Variants in NLGN4X observed in about 807,000 individuals in gnomAD.
NLGN4X encodes neuroligin-4, X-linked.
NLGN4X carries 3 observed loss-of-function variants against 40.3 expected under a neutral mutation model. That is an observed-to-expected ratio of 0.07 (90% CI 0.03 to 0.19). NLGN4X has a LOEUF of 0.19. NLGN4X is among the 10% of genes least tolerant of loss of function. The pLI is 1.00. For missense variants in NLGN4X, 382 were observed against 708.3 expected, an observed-to-expected ratio of 0.54 and a Z score of 5.23; for synonymous variants, 270 against 306.8, an observed-to-expected ratio of 0.88 and a Z score of 1.25.
At position 5,963,108 on chromosome X, in the gene NLGN4X, GCC is replaced by G. The variant is rs770200163; in HGVS notation, c.626-53871_626-53870del. On this transcript the variant is annotated intron_variant, in intron 3 of 5. Coordinates refer to ENST00000381095, the MANE Select transcript of NLGN4X (RefSeq NM_181332.3). Reference sequence around the variant, plus strand: ...AGTTTTGAAGTGTATGCTAGACACAGCCTACGTTGCCATGAATAGACCTTTGA... The same window carrying G: ...AGTTTTGAAGTGTATGCTAGACACAGTACGTTGCCATGAATAGACCTTTGA... 8.6e-3 allele frequency among the ~76,000 whole-genome samples: 946 copies of G among 110,353 alleles called. 9 individuals carry two copies. The highest frequency in any genetic ancestry group is 0.03 in the African/African-American group (913 of 30,282).
intron 1 of NLGN4X, among the ~76,000 whole-genome samples, chrX:6,221,115 G>C (rs1009583396): frequency 1.9e-5 from 2 of 106,293 alleles, no homozygotes; most frequent in Non-Finnish European, 3.9e-5. Context: ...TTTAGAGATA[G>C]GGTCTTGCTC....
intron 2 of NLGN4X, among the ~76,000 whole-genome samples, chrX:6,149,157 C>T (rs925069186): frequency 1.8e-5 from 2 of 111,986 alleles, no homozygotes; most frequent in African/African-American, 3.2e-5. Context: ...AATTCAATAC[C>T]GAATTGCAAT....
intron 1 of NLGN4X, among the ~76,000 whole-genome samples, chrX:6,218,429 C>A (rs1403849517): frequency 5.5e-5 from 6 of 109,355 alleles, no homozygotes; most frequent in Non-Finnish European, 1.1e-4. Flanking sequence ...CTGAATCAAG[C>A]TGTTGTTTTC....
At chrX:5,998,940 T>C (rs2035903154) in intron 3 of NLGN4X, among the ~76,000 whole-genome samples, 1 of 112,431 alleles carries the variant, frequency 8.9e-6, no homozygotes, top group Non-Finnish European at 1.9e-5. Flanking sequence ...AATGCATGGA[T>C]TGGTGTTAAG....
At chrX:6,210,045 G>A (rs947096621) in intron 1 of NLGN4X, among the ~76,000 whole-genome samples, 2 of 110,616 alleles carry the variant, frequency 1.8e-5, no homozygotes, top group African/African-American at 3.3e-5. Context: ...GTAGAAACGC[G>A]GTCTCATTAT....
chrX:5,933,535 T>C (rs2146875271), intron 3 of NLGN4X, among the ~76,000 whole-genome samples: 1 of 111,985 alleles, frequency 8.9e-6, no homozygotes, highest in Non-Finnish European at 1.9e-5. Context: ...TTGTTAAATT[T>C]ATAAAAACAA....
chrX:6,210,339 T>G (rs756984567), intron 1 of NLGN4X, among the ~76,000 whole-genome samples: 9 of 109,701 alleles, frequency 8.2e-5, no homozygotes, highest in Non-Finnish European at 3.8e-5. Flanking sequence ...TCTCATCAGA[T>G]CTGTATCTCT....
At chrX:6,023,819 C>T (rs1387565757) in intron 3 of NLGN4X, among the ~76,000 whole-genome samples, 3 of 111,861 alleles carry the variant, frequency 2.7e-5, no homozygotes, top group Admixed American at 1.9e-4. Flanking sequence ...GTGAGCTAAA[C>T]GGAAATACAT....
chrX:6,010,513 T>TTATTATTATTATTATTATTA (rs2036219317), intron 3 of NLGN4X, among the ~76,000 whole-genome samples: 61 of 95,389 alleles, frequency 6.4e-4, no homozygotes, highest in Non-Finnish European at 1.2e-3. Context: ...TTCTTTTTAT[T>TTATTATTATTATTATTATTA]TTATTATTAT....
intron 3 of NLGN4X, among the ~76,000 whole-genome samples, chrX:5,981,344 A>C (rs1215282263): frequency 4.5e-5 from 5 of 110,070 alleles, no homozygotes; most frequent in Non-Finnish European, 5.7e-5. Flanking sequence ...TTTGCTCTTC[A>C]GTTTTTCAAT....
At chrX:6,082,865 T>C (rs1044435153) in intron 2 of NLGN4X, among the ~76,000 whole-genome samples, 3 of 108,046 alleles carry the variant, frequency 2.8e-5, no homozygotes, top group Admixed American at 9.9e-5. Flanking sequence ...AAGGGACACA[T>C]GGGCAGATTA....
intron 3 of NLGN4X, among the ~76,000 whole-genome samples, chrX:6,009,748 C>T (rs919133648): frequency 6.2e-5 from 7 of 112,069 alleles, no homozygotes; most frequent in Non-Finnish European, 1.3e-4. Context: ...TGACCACAAG[C>T]TTTCATTTCT....
chrX:6,087,442 G>T (rs1336592148), intron 2 of NLGN4X, among the ~76,000 whole-genome samples: 2 of 111,828 alleles, frequency 1.8e-5, no homozygotes, highest in Non-Finnish European at 3.8e-5. Context: ...ATATTACTCT[G>T]TGTCCTCACA....
intron 2 of NLGN4X, among the ~76,000 whole-genome samples, chrX:6,150,438 C>T (rs936237991): frequency 2.7e-5 from 3 of 111,870 alleles, no homozygotes; most frequent in African/African-American, 9.7e-5. Flanking sequence ...AAAAGAACAT[C>T]CAAATTTACG....
chrX:6,045,419 G>A (rs1397059960), intron 2 of NLGN4X, among the ~76,000 whole-genome samples: 1 of 111,776 alleles, frequency 8.9e-6, no homozygotes. Context: ...ATCTTAACAC[G>A]TTCTGATTAT....
intron 1 of NLGN4X, among the ~76,000 whole-genome samples, chrX:6,169,639 C>T (rs780193525): frequency 1.8e-5 from 2 of 112,640 alleles, no homozygotes; most frequent in African/African-American, 3.2e-5. Context: ...CCACTTAGGA[C>T]GACTGCCTGG....
In NLGN4X at chrX:5,903,429, G is replaced by A; in HGVS notation, c.1249C>T (p.Arg417Trp). Reference protein sequence around the residue: ...YGYPEGKDTLRETIKFMYTDW... With the variant: ...YGYPEGKDTLWETIKFMYTDW... ...GTGTACATGAACTTGATAGTCTCCC[G>A]CAAAGTGTCTTTCCCTTCAGGGTAG... The change falls in exon 5 of 6, where the codon CGG (arginine) becomes TGG (tryptophan). Residue 417 changes from arginine to tryptophan, a missense_variant. This residue lies in a region of NLGN4X where 149 missense variants were observed against 375.8 expected (regional missense o/e 0.40). Coordinates refer to ENST00000381095, the MANE Select transcript of NLGN4X (RefSeq NM_181332.3). 1 of 1,207,046 alleles carries A rather than the reference G, an allele frequency of 8.3e-7. No homozygotes were observed. The highest frequency in any genetic ancestry group is 1.1e-6 in the Non-Finnish European group (1 of 892,619).
At chrX:6,002,187 G>A (rs2035988766) in intron 3 of NLGN4X, among the ~76,000 whole-genome samples, 1 of 111,951 alleles carries the variant, frequency 8.9e-6, no homozygotes, top group South Asian at 3.8e-4. Flanking sequence ...CCTTGTCCCT[G>A]AAAACAGGAC....
intron 3 of NLGN4X, among the ~76,000 whole-genome samples, chrX:6,014,584 C>T (rs1232391100): frequency 8.9e-6 from 1 of 111,853 alleles, no homozygotes; most frequent in African/African-American, 3.3e-5. Flanking sequence ...TCTAAATGTT[C>T]TGGAAAATCA....
Sources: allele counts gnomAD v4.1 joint callset (sites outside exome capture counted in the v4.1 genomes callset), GRCh38; gene constraint gnomAD v4.1.1; regional missense constraint gnomAD v4.1.1; transcripts MANE v1.5; gene names NCBI Gene and HGNC (gene_info 2026-07-23, HGNC 2026-07-21).